SMARCC1: variants seen among roughly 807,000 people sequenced by gnomAD.
SMARCC1 encodes SWI/SNF complex subunit SMARCC1.
In SMARCC1, 43 loss-of-function variants were observed where a neutral mutation model predicts 147.4. The ratio of observed to expected loss-of-function variants is 0.29; its 90% CI spans 0.23 to 0.38. SMARCC1 has a LOEUF of 0.38. Ranked by LOEUF, SMARCC1 falls within the 10% of genes least tolerant of loss-of-function variation. The pLI is 1.00. For missense variants in SMARCC1, 1,119 were observed against 1,381.1 expected (o/e 0.81, Z 3.01); for synonymous variants, 495 against 484.4 (o/e 1.02, Z -0.29).
At chr3:47,732,354 A>G (rs1197495017) in intron 5 of SMARCC1, among the ~76,000 whole-genome samples, 2 of 152,232 alleles carry the variant, frequency 1.3e-5, no homozygotes, top group Non-Finnish European at 2.9e-5. Context: ...CTTTCTCAGT[A>G]TCAGCAATAA....
At chr3:47,708,078 T>TTTTTC (rs1345777907) in intron 9 of SMARCC1, among the ~76,000 whole-genome samples, 69 of 90,246 alleles carry the variant, frequency 7.6e-4, no homozygotes, top group Non-Finnish European at 1.2e-3. Context: ...AGTTGAATTT[T>TTTTTC]TTTTCTTTTT....
chr3:47,691,992 C>G (rs1047340025), intron 12 of SMARCC1, among the ~76,000 whole-genome samples: 2 of 152,054 alleles, frequency 1.3e-5, no homozygotes, highest in African/African-American at 4.8e-5. Context: ...GACCGAGGCT[C>G]CGTCTCAAAA....
At chr3:47,699,034 T>C (rs2033886950) in intron 11 of SMARCC1, among the ~76,000 whole-genome samples, 1 of 152,126 alleles carries the variant, frequency 6.6e-6, no homozygotes. Flanking sequence ...CAAAAACAAC[T>C]TTAAATTGGG....
intron 19 of SMARCC1, chr3:47,663,737 A>G: frequency 6.6e-7 from 1 of 1,511,446 alleles, no homozygotes; most frequent in South Asian, 1.1e-5. Flanking sequence ...GTTCCTTCAC[A>G]AGACCCACGA....
intron 27 of SMARCC1, among the ~76,000 whole-genome samples, chr3:47,588,560 C>T (rs910838344): frequency 2.7e-4 from 41 of 152,096 alleles, no homozygotes; most frequent in African/African-American, 9.7e-4. Flanking sequence ...ACCCTCCTTC[C>T]AGGCCAACTC....
chr3:47,735,001 C>T (rs1480068696), intron 5 of SMARCC1, among the ~76,000 whole-genome samples: 1 of 152,102 alleles, frequency 6.6e-6, no homozygotes. Context: ...GTGATCCGCC[C>T]GCCTTGGCCT....
chr3:47,613,522 G>A (rs1317754656), intron 25 of SMARCC1, among the ~76,000 whole-genome samples: 1 of 151,680 alleles, frequency 6.6e-6, no homozygotes, highest in Admixed American at 6.6e-5. Context: ...ACCACGCCCA[G>A]CTAATTTTTG....
intron 5 of SMARCC1, among the ~76,000 whole-genome samples, chr3:47,732,514 A>G (rs189536089): frequency 9.2e-5 from 14 of 152,280 alleles, no homozygotes. Flanking sequence ...CTTCCTCACT[A>G]AACTAAATCA....
chr3:47,613,019 T>C (rs1029880675), intron 25 of SMARCC1, among the ~76,000 whole-genome samples: 18 of 152,326 alleles, frequency 1.2e-4, no homozygotes, highest in African/African-American at 4.8e-5. Flanking sequence ...GAAGACTGCA[T>C]TCACTTTTGT....
chr3:47,680,391 A>T (rs755371291), intron 15 of SMARCC1, 46 bp downstream of exon 15: 11 of 1,299,728 alleles, frequency 8.5e-6, no homozygotes, highest in Non-Finnish European at 1.2e-5. Context: ...AAGAGCCCCT[A>T]CCGCACACAG....
intron 2 of SMARCC1, among the ~76,000 whole-genome samples, chr3:47,757,101 A>G (rs900048503): frequency 6.6e-6 from 1 of 152,012 alleles, no homozygotes; most frequent in Non-Finnish European, 1.5e-5. Flanking sequence ...AACAGAAAAA[A>G]TTATCCGGGT....
intron 21 of SMARCC1, among the ~76,000 whole-genome samples, chr3:47,649,350 C>G (rs980026451): frequency 7.9e-5 from 12 of 152,226 alleles, no homozygotes; most frequent in Non-Finnish European, 1.5e-4. Context: ...TTCTAACAGT[C>G]ATTTCTGGGC....
rs961995568 is a variant in SMARCC1 at position 47,769,166 on chromosome 3, G to A, written c.315+3651C>T. Reference sequence around the variant, plus strand: ...GCGGAGGCTGCAGTGAGCCGAGATCGCACCACTGTACTCCAGCCTGGATGA... The same window carrying A: ...GCGGAGGCTGCAGTGAGCCGAGATCACACCACTGTACTCCAGCCTGGATGA... On this transcript the variant is annotated intron_variant, in intron 2 of 27. Transcript: ENST00000254480. Among the ~76,000 whole-genome samples, 8 of 125,110 alleles carry A rather than the reference G, an allele frequency of 6.4e-5. No individual in the cohort carries two copies. In the South Asian group the frequency reaches 1.7e-3, roughly 26 times the overall value. The allele number at this position is 125,110 out of a possible 152,430, so 82.1% of individuals were successfully genotyped here.
intron 19 of SMARCC1, chr3:47,663,692 A>C: frequency 4.7e-6 from 7 of 1,487,716 alleles, no homozygotes; most frequent in South Asian, 3.4e-5. Flanking sequence ...GCTTAGCCCC[A>C]CTGTTTACAG....
At position 47,610,117 on chromosome 3, in the gene SMARCC1, G is replaced by A. The variant is rs775748341; in HGVS notation, c.2992C>T (p.Pro998Ser). ...PGMMPHQQPP[P>S]YPLMHHQMPP... Reference sequence around the variant, plus strand: ...ATCTGGTGGTGCATCAGAGGGTAGGGAGGGGGCTGTTGATGAGGCATCATG... The same window carrying A: ...ATCTGGTGGTGCATCAGAGGGTAGGAAGGGGGCTGTTGATGAGGCATCATG... The change falls in exon 26 of 28, where the codon CCC becomes TCC. Residue 998 changes from proline (P) to serine (S), a missense_variant. This residue lies in a region of SMARCC1 where 186 missense variants were observed against 216.5 expected (regional missense o/e 0.86). Transcript: ENST00000254480. 6 of 1,613,470 alleles carry A rather than the reference G, an allele frequency of 3.7e-6. No individual in the cohort carries two copies. In the South Asian group the frequency reaches 6.6e-5, roughly 18 times the overall value.
intron 6 of SMARCC1, among the ~76,000 whole-genome samples, chr3:47,726,590 T>C (rs1424492707): frequency 6.6e-6 from 1 of 152,192 alleles, no homozygotes; most frequent in Non-Finnish European, 1.5e-5. Flanking sequence ...CTCTGTACAT[T>C]ATGAAACTAA....
chr3:47,636,480 A>G (rs1360021369), intron 22 of SMARCC1, among the ~76,000 whole-genome samples: 1 of 152,164 alleles, frequency 6.6e-6, no homozygotes, highest in Non-Finnish European at 1.5e-5. Flanking sequence ...CGGGTGCAGT[A>G]GCTCACGCCT....
At chr3:47,590,537 C>T in intron 27 of SMARCC1, 124 bp downstream of exon 27, 1 of 757,846 alleles carries the variant, frequency 1.3e-6, no homozygotes. Context: ...TGAGAAGCCA[C>T]TGTCACAGAC....
At chr3:47,723,320 TTAGA>T (rs1248534402) in intron 6 of SMARCC1, among the ~76,000 whole-genome samples, 2 of 150,214 alleles carry the variant, frequency 1.3e-5, no homozygotes, top group Non-Finnish European at 3.0e-5. Flanking sequence ...TGAAATTAGC[TTAGA>T]TAGAAGAACA....
Sources: gnomAD v4.1 joint callset for allele counts (sites outside exome capture counted in the v4.1 genomes callset) on GRCh38, gnomAD v4.1.1 for gene constraint, gnomAD v4.1.1 regional missense constraint, MANE v1.5 for transcripts, NCBI Gene and HGNC (gene_info 2026-07-23, HGNC 2026-07-21) for gene names.